Variants in SGK3 observed in about 807,000 individuals in gnomAD.
SGK3 encodes serum/glucocorticoid regulated kinase family member 3, also known as serine/threonine-protein kinase Sgk3.
In SGK3, 47 loss-of-function variants were observed where a neutral mutation model predicts 68.5. The observed-to-expected ratio is 0.69, with a 90% CI of 0.54 to 0.87. SGK3 has a LOEUF of 0.87. Ranked by LOEUF, SGK3 falls within the 40% of genes least tolerant of loss-of-function variation. The pLI, the probability that SGK3 is intolerant of heterozygous loss-of-function variation, is 0.00. For synonymous variants in SGK3, 181 were observed against 189.1 expected (o/e 0.96, Z 0.35); for missense variants, 479 against 575.5 (o/e 0.83, Z 1.72).
chr8:66,726,861 G>C (rs1805000955), intron 1 of SGK3, among the ~76,000 whole-genome samples: 1 of 144,014 alleles, frequency 6.9e-6, no homozygotes, highest in Admixed American at 6.9e-5. Context: ...TGAACCTATA[G>C]AATTTGAATA....
intron 1 of SGK3, among the ~76,000 whole-genome samples, chr8:66,721,733 T>C (rs1804799355): frequency 1.3e-5 from 2 of 150,888 alleles, no homozygotes; most frequent in South Asian, 4.2e-4. Flanking sequence ...TTTTGTGCTA[T>C]TTTTTTTTCC....
rs531508875 is a variant in SGK3 at position 66,778,458 on chromosome 8, G to A, written c.-121-15158G>A. 5.3e-5 allele frequency among the ~76,000 whole-genome samples: 8 copies of A among 152,142 alleles called. No homozygotes were observed. The East Asian group carries it at 1.2e-3, about 22-fold the overall frequency. Reference sequence around the variant, plus strand: ...ACTACAGGCGCCCGCCACCACGCTCGGCTAATTTTTTGTATTTTTAGTAGA... The same window carrying A: ...ACTACAGGCGCCCGCCACCACGCTCAGCTAATTTTTTGTATTTTTAGTAGA... On this transcript the variant is annotated intron_variant, in intron 1 of 16. Coordinates refer to ENST00000521198, the MANE Select transcript of SGK3 (RefSeq NM_001033578.3).
chr8:66,736,760 T>C (rs1201188733), intron 1 of SGK3, among the ~76,000 whole-genome samples: 1 of 151,888 alleles, frequency 6.6e-6, no homozygotes, highest in African/African-American at 2.4e-5. Flanking sequence ...ACTGGGATTA[T>C]AGGTGTGTGC....
At chr8:66,773,115 T>C (rs1223645575) in intron 1 of SGK3, among the ~76,000 whole-genome samples, 1 of 151,972 alleles carries the variant, frequency 6.6e-6, no homozygotes, top group East Asian at 1.9e-4. Context: ...GCATGTACAG[T>C]GGGAGGGATG....
chr8:66,839,535 A>ATG (rs1378437425), intron 10 of SGK3, among the ~76,000 whole-genome samples: 7 of 76,958 alleles, frequency 9.1e-5, no homozygotes, highest in African/African-American at 3.3e-4. Context: ...ATATATATAT[A>ATG]TATATATATA....
At position 66,754,947 on chromosome 8, in the gene SGK3, C is replaced by T. The variant is rs537546288; in HGVS notation, c.-121-38669C>T. The stretch of plus-strand genomic sequence containing the variant: ...GCAGCACAGTAGCATCCCCAGAATA[C>T]CTGCATCAGCTGTTTAACAACAGCA... On this transcript the variant is annotated intron_variant, in intron 1 of 16. Coordinates refer to ENST00000521198, the MANE Select transcript of SGK3 (RefSeq NM_001033578.3). Among the ~76,000 whole-genome samples, 112 of 152,316 alleles carry T rather than the reference C, an allele frequency of 7.4e-4. 1 individual carries two copies. The highest frequency in any genetic ancestry group is 2.6e-3 in the African/African-American group (110 of 41,570).
intron 1 of SGK3, among the ~76,000 whole-genome samples, chr8:66,727,611 T>C (rs1242909367): frequency 6.6e-6 from 1 of 152,186 alleles, no homozygotes; most frequent in Non-Finnish European, 1.5e-5. Context: ...AATGCTGTCA[T>C]GAAAGTGGGA....
intron 4 of SGK3, among the ~76,000 whole-genome samples, chr8:66,812,074 A>T (rs1309167166): frequency 1.3e-5 from 2 of 152,218 alleles, no homozygotes; most frequent in African/African-American, 4.8e-5. Flanking sequence ...CATTTAAGAA[A>T]TGGAAATAAA....
chr8:66,832,476 A>G (rs1007946333), intron 8 of SGK3, among the ~76,000 whole-genome samples: 4 of 152,218 alleles, frequency 2.6e-5, no homozygotes, highest in African/African-American at 9.6e-5. Flanking sequence ...CAGCAAATAT[A>G]TATTATCCAC....
At chr8:66,796,321 A>ATTTTTTTGTTTTTT (rs1807686567) in intron 2 of SGK3, among the ~76,000 whole-genome samples, 1 of 41,362 alleles carries the variant, frequency 2.4e-5, no homozygotes, top group Non-Finnish European at 4.4e-5. Flanking sequence ...TATTTTTTGT[A>ATTTTTTTGTTTTTT]TTTTTTTTTT....
intron 15 of SGK3, among the ~76,000 whole-genome samples, chr8:66,850,204 T>A (rs561841537): frequency 6.6e-6 from 1 of 152,322 alleles, no homozygotes; most frequent in Admixed American, 6.5e-5. Context: ...TTCTTACTCA[T>A]TTTTCAGACC....
rs1389364161 is a variant in SGK3, at chr8:66,723,286, C to CA, written c.-122+10460dup. 8.8e-4 allele frequency among the ~76,000 whole-genome samples: 132 copies of CA among 149,720 alleles called. 1 individual carries two copies. Among genetic ancestry groups the CA allele is most frequent in the African/African-American group, 3.2e-3 (130 of 40,856 alleles). On this transcript the variant is annotated intron_variant, in intron 1 of 16. Transcript: ENST00000521198. The stretch of plus-strand genomic sequence containing the variant: ...TGAAATGCTGTCTCTACTAAAAATA[C>CA]AAAAAAATTTAGCCAGGCATGGTGG...
At chr8:66,836,886 A>AT (rs1394158500) in intron 10 of SGK3, among the ~76,000 whole-genome samples, 4 of 151,392 alleles carry the variant, frequency 2.6e-5, no homozygotes, top group African/African-American at 7.3e-5. Context: ...TCTTAAGAGA[A>AT]TTTTTTAAAA....
At position 66,749,797 on chromosome 8, in the gene SGK3, A is replaced by C. The variant is rs902567753; in HGVS notation, c.-122+36964A>C. Among the ~76,000 whole-genome samples, 4 of 152,102 alleles carry C rather than the reference A, an allele frequency of 2.6e-5. 1 individual carries two copies. The highest frequency in any genetic ancestry group is 2.0e-4 in the Admixed American group (3 of 15,236). Reference sequence around the variant, plus strand: ...TTTATATATAGATGCAGAAATATAAAGATATGAGACATGGTTTCAAGAGTT... The same window carrying C: ...TTTATATATAGATGCAGAAATATAACGATATGAGACATGGTTTCAAGAGTT... On this transcript the variant is annotated intron_variant, in intron 1 of 16. Transcript: ENST00000521198.
intron 1 of SGK3, among the ~76,000 whole-genome samples, chr8:66,788,522 G>C (rs1807302573): frequency 6.6e-6 from 1 of 152,172 alleles, no homozygotes; most frequent in African/African-American, 2.4e-5. Flanking sequence ...TACTGGGTGT[G>C]CTGAGGCATA....
rs1018998762 is a variant in SGK3 at position 66,813,739 on chromosome 8, A to T, written c.254-114A>T. The T allele has an allele frequency of 1.3e-5, 10 of 793,296 alleles. No homozygotes were observed. The African/African-American group carries it at 1.4e-4, about 11-fold the overall frequency. The allele number at this position is 793,296 out of a possible 1,614,324, so 49.1% of individuals were successfully genotyped here. A position where few individuals can be genotyped will look rare whatever the true frequency, so the allele number is the denominator to read the frequency against. Reference sequence around the variant, plus strand: ...CTTGTGTGACAAGTAGCATGAATTTAAAAATAGCTTCTTAATCAAAATTCA... The same window carrying T: ...CTTGTGTGACAAGTAGCATGAATTTTAAAATAGCTTCTTAATCAAAATTCA... On this transcript the variant is annotated intron_variant, in intron 4 of 16. Coordinates refer to ENST00000521198, the MANE Select transcript of SGK3 (RefSeq NM_001033578.3).
chr8:66,822,385 G>A lies in SGK3; in HGVS notation c.343G>A (p.Ala115Thr), dbSNP rs763941506. The change falls in exon 6 of 17, where the codon GCA (alanine) becomes ACA (threonine). Residue 115 changes from alanine (A) to threonine (T), a missense_variant. Ala to Thr is a moderately conservative substitution (Grantham distance 58, BLOSUM62 0). Around this residue, in one of 3 missense-constraint regions of SGK3, gnomAD observed 298 missense variants for 329.4 expected, o/e 0.90. Coordinates refer to ENST00000521198, the MANE Select transcript of SGK3 (RefSeq NM_001033578.3). ...PELYNHPDVR[A>T]FLQMDSPKHQ... is the part of the protein sequence containing the mutation. ...TTTTGTTTTTAGTCCAGATGTCAGA[G>A]CATTCCTTCAAATGGACAGTCCAAA... The A allele has an allele frequency of 3.1e-6, 5 of 1,609,646 alleles. No homozygotes were observed. Among genetic ancestry groups the A allele is most frequent in the African/African-American group, 1.3e-5 (1 of 74,812 alleles).
chr8:66,748,067 T>A (rs904714725), intron 1 of SGK3, among the ~76,000 whole-genome samples: 1 of 152,184 alleles, frequency 6.6e-6, no homozygotes, highest in Non-Finnish European at 1.5e-5. Context: ...TTACATGAGG[T>A]AATGCTTGTA....
chr8:66,847,283 T>C lies in SGK3; in HGVS notation c.1165T>C (p.Trp389Arg). The change falls in exon 15 of 17, where the codon TGG (tryptophan) becomes CGG (arginine). Residue 389 changes from tryptophan (W) to arginine (R), a missense_variant. Around this residue, in one of 3 missense-constraint regions of SGK3, gnomAD observed 173 missense variants for 214.3 expected, o/e 0.81. Transcript: ENST00000521198. ...GAGGCCAGGAGTGAGTCTTACAGCC[T>C]GGTCCATTCTGGAAGAACTCCTAGA... is the stretch of plus-strand genomic sequence containing the variant. ...SLRPGVSLTA[W>R]SILEELLEKD... The C allele has an allele frequency of 6.2e-7, 1 of 1,614,122 alleles. No homozygotes were observed. Among genetic ancestry groups the C allele is most frequent in the Non-Finnish European group, 8.5e-7 (1 of 1,180,014 alleles).
Sources: gnomAD v4.1 joint callset for allele counts (sites outside exome capture counted in the v4.1 genomes callset) on GRCh38, gnomAD v4.1.1 for gene constraint, gnomAD v4.1.1 regional missense constraint, MANE v1.5 for transcripts, NCBI Gene and HGNC (gene_info 2026-07-23, HGNC 2026-07-21) for gene names.